The following ATRNL1 variants were observed in gnomAD, a reference collection of about 807,000 sequenced individuals.
ATRNL1 encodes attractin like 1.
A neutral mutation model predicts 182.7 loss-of-function variants in ATRNL1; 95 were observed. The observed-to-expected ratio is 0.52, with a 90% CI of 0.44 to 0.62. ATRNL1 has a LOEUF of 0.62. Among genes scored for constraint, ATRNL1 ranks in the 20% least tolerant of loss-of-function variants. ATRNL1 has a pLI of 0.00. For synonymous variants in ATRNL1, 576 were observed against 568.3 expected, an observed-to-expected ratio of 1.01 and a Z score of -0.19; for missense variants, 1,471 against 1,679.5, an observed-to-expected ratio of 0.88 and a Z score of 2.17.
chr10:115,377,471 C>T (rs887351762), intron 19 of ATRNL1, among the ~76,000 whole-genome samples: 5 of 152,138 alleles, frequency 3.3e-5, no homozygotes, highest in East Asian at 3.8e-4. Context: ...TGGACTAATA[C>T]GGTTGTCTAT....
intron 21 of ATRNL1, among the ~76,000 whole-genome samples, chr10:115,441,629 G>T (rs1554965715): frequency 6.6e-6 from 1 of 151,776 alleles, no homozygotes; most frequent in African/African-American, 2.4e-5. Flanking sequence ...GCTGCAAACT[G>T]ATTTCTCTGA....
At chr10:115,341,927 T>A (rs1194797485) in intron 19 of ATRNL1, among the ~76,000 whole-genome samples, 3 of 152,164 alleles carry the variant, frequency 2.0e-5, no homozygotes, top group Non-Finnish European at 4.4e-5. Flanking sequence ...ATATGTTTAT[T>A]GTAGGCAACA....
intron 5 of ATRNL1, among the ~76,000 whole-genome samples, chr10:115,140,816 TAATA>T (rs1166669610): frequency 6.6e-6 from 1 of 152,154 alleles, no homozygotes; most frequent in Non-Finnish European, 1.5e-5. Context: ...TCATGTAATT[TAATA>T]GTTTTGTTGC....
chr10:115,757,797 A>T (rs916177026), intron 27 of ATRNL1, among the ~76,000 whole-genome samples: 1 of 152,246 alleles, frequency 6.6e-6, no homozygotes, highest in Admixed American at 6.5e-5. Flanking sequence ...CAGGTACAAC[A>T]GTCAAATGTA....
At chr10:115,109,201 G>A (rs1253639178) in intron 1 of ATRNL1, among the ~76,000 whole-genome samples, 3 of 151,980 alleles carry the variant, frequency 2.0e-5, no homozygotes, top group Non-Finnish European at 2.9e-5. Flanking sequence ...TTATTGCTGA[G>A]TTTCAAAGTG....
At chr10:115,184,132 T>C (rs1847848486) in intron 8 of ATRNL1, among the ~76,000 whole-genome samples, 2 of 151,540 alleles carry the variant, frequency 1.3e-5, no homozygotes, top group South Asian at 4.1e-4. Flanking sequence ...AAACTCACTA[T>C]ATTAGTAGGT....
chr10:115,601,484 C>G (rs1397193154), intron 26 of ATRNL1, among the ~76,000 whole-genome samples: 2 of 152,290 alleles, frequency 1.3e-5, no homozygotes, highest in Admixed American at 6.5e-5. Flanking sequence ...AAATATCCAT[C>G]TATAATTGTG....
At chr10:115,763,273 T>G (rs11197439) in intron 27 of ATRNL1, among the ~76,000 whole-genome samples, 1 of 152,020 alleles carries the variant, frequency 6.6e-6, no homozygotes, top group Non-Finnish European at 1.5e-5. Flanking sequence ...GAAACATGAA[T>G]ATAACACAGG....
chr10:115,171,066 T>C lies in ATRNL1; in HGVS notation c.1122T>C (p.Ile374=). 1 of 1,576,466 alleles carries C rather than the reference T, an allele frequency of 6.3e-7. No individual in the cohort carries two copies. Among genetic ancestry groups the C allele is most frequent in the Non-Finnish European group, 8.6e-7 (1 of 1,158,236 alleles). The change falls in exon 8 of 29, where the codon ATT becomes ATC. Residue 374 remains isoleucine, a synonymous_variant. Coordinates refer to ENST00000355044, the MANE Select transcript of ATRNL1 (RefSeq NM_207303.4). ...ACATCTTTATGTATGGAGGCAGAAT[T>C]GAAACAAATGATGGCAATGTCACAG... ...QENIFMYGGR[I]ETNDGNVTDE...
At chr10:115,628,863 A>G (rs1371870110) in intron 26 of ATRNL1, among the ~76,000 whole-genome samples, 1 of 152,144 alleles carries the variant, frequency 6.6e-6, no homozygotes, top group Non-Finnish European at 1.5e-5. Context: ...TTTTGCACCA[A>G]TCTAATATAT....
intron 26 of ATRNL1, among the ~76,000 whole-genome samples, chr10:115,629,804 T>C (rs898158516): frequency 6.6e-6 from 1 of 152,148 alleles, no homozygotes; most frequent in African/African-American, 2.4e-5. Flanking sequence ...TAAAAAGTCC[T>C]GTAAGGAACA....
At chr10:115,901,736 C>A (rs748403147) in intron 28 of ATRNL1, among the ~76,000 whole-genome samples, 1 of 100,328 alleles carries the variant, frequency 1.0e-5, no homozygotes, top group Non-Finnish European at 1.8e-5. Context: ...AGGAACAGAA[C>A]TGAGAAGAAA....
intron 28 of ATRNL1, among the ~76,000 whole-genome samples, chr10:115,893,971 A>T (rs1305847334): frequency 6.6e-6 from 1 of 152,208 alleles, no homozygotes; most frequent in Non-Finnish European, 1.5e-5. Flanking sequence ...GACCAAAAAA[A>T]AAAAATCTTA....
intron 24 of ATRNL1, among the ~76,000 whole-genome samples, chr10:115,495,721 T>C (rs1254260552): frequency 6.6e-6 from 1 of 151,850 alleles, no homozygotes; most frequent in Non-Finnish European, 1.5e-5. Context: ...TTTAATTTGC[T>C]GAGAATTGTT....
chr10:115,461,917 T>C, intron 21 of ATRNL1, 24 bp from the exon 22 acceptor site: 1 of 1,535,934 alleles, frequency 6.5e-7, no homozygotes, highest in Non-Finnish European at 9.0e-7. Context: ...CATATCAGGA[T>C]TGTACTTTTT....
At chr10:115,418,860 A>T (rs1845525212) in intron 20 of ATRNL1, among the ~76,000 whole-genome samples, 1 of 152,156 alleles carries the variant, frequency 6.6e-6, no homozygotes, top group Non-Finnish European at 1.5e-5. Context: ...GTGTATTTTA[A>T]AAATGAAGGA....
At chr10:115,360,029 T>C (rs1194937474) in intron 19 of ATRNL1, among the ~76,000 whole-genome samples, 2 of 151,730 alleles carry the variant, frequency 1.3e-5, no homozygotes, top group African/African-American at 4.8e-5. Flanking sequence ...TAACAGAAGA[T>C]ATTTGAGTAA....
chr10:115,881,788 A>C (rs1470688408), intron 28 of ATRNL1, among the ~76,000 whole-genome samples: 3 of 152,150 alleles, frequency 2.0e-5, no homozygotes, highest in Non-Finnish European at 4.4e-5. Flanking sequence ...CTGCCTACCC[A>C]GGTCTGTCTG....
At chr10:115,277,068 AT>A (rs1360977913) in intron 13 of ATRNL1, among the ~76,000 whole-genome samples, 1 of 151,972 alleles carries the variant, frequency 6.6e-6, no homozygotes, top group South Asian at 2.1e-4. Flanking sequence ...AAATTTAATT[AT>A]TTTTAGTTAG....
Sources: gnomAD v4.1 joint callset for allele counts (sites outside exome capture counted in the v4.1 genomes callset) on GRCh38, gnomAD v4.1.1 for gene constraint, MANE v1.5 for transcripts, NCBI Gene and HGNC (gene_info 2026-07-23, HGNC 2026-07-21) for gene names.